DNAJC6: variants seen among roughly 807,000 people sequenced by gnomAD.
DNAJC6 encodes auxilin.
DNAJC6 carries 34 observed loss-of-function variants against 110.0 expected under a neutral mutation model. That is an observed-to-expected ratio of 0.31 (90% CI 0.24 to 0.41). The LOEUF is 0.41. Among genes scored for constraint, DNAJC6 ranks in the 10% least tolerant of loss-of-function variants. DNAJC6 has a pLI of 1.00. For synonymous variants in DNAJC6, 406 were observed against 437.2 expected (o/e 0.93, Z 0.89); for missense variants, 1,031 against 1,207.8 (o/e 0.85, Z 2.17).
rs868405754 is a variant in DNAJC6 at position 65,413,091 on chromosome 1, G to A, written c.*66G>A. The A allele has an allele frequency of 4.8e-6, 7 of 1,455,256 alleles. No homozygotes were observed. The Middle Eastern group carries it at 7.1e-4, about 148-fold the overall frequency. 90.1% of individuals were successfully genotyped at this position (1,455,256 alleles called of 1,614,324 possible). A position where few individuals can be genotyped will look rare whatever the true frequency, so the allele number is the denominator to read the frequency against. On this transcript the variant is annotated 3_prime_UTR_variant, in exon 19 of 19. Transcript: ENST00000371069. ...GCTTAGTGTGTGTCACAATTCTGAG[G>A]TTTTCGCAGATGAACCAAAAACTCC...
intron 11 of DNAJC6, among the ~76,000 whole-genome samples, chr1:65,389,957 G>A (rs1462529102): frequency 6.6e-6 from 1 of 152,182 alleles, no homozygotes; most frequent in Non-Finnish European, 1.5e-5. Context: ...AGGTTGCAGT[G>A]AGCTATGATT....
chr1:65,384,606 C>T (rs562714715), intron 6 of DNAJC6, among the ~76,000 whole-genome samples: 6 of 152,212 alleles, frequency 3.9e-5, no homozygotes, highest in East Asian at 1.9e-4. Flanking sequence ...GGGAAGAGAG[C>T]GTGTGCAGGG....
intron 1 of DNAJC6, among the ~76,000 whole-genome samples, chr1:65,315,812 T>C (rs1276199247): frequency 1.3e-5 from 2 of 152,180 alleles, no homozygotes; most frequent in East Asian, 1.9e-4. Context: ...TAAAATGCCA[T>C]AGAGAAATGC....
intron 1 of DNAJC6, among the ~76,000 whole-genome samples, chr1:65,348,298 G>T (rs1645456858): frequency 6.6e-6 from 1 of 152,184 alleles, no homozygotes; most frequent in African/African-American, 2.4e-5. Context: ...TCAGTTGTTG[G>T]TTGCAGTATT....
chr1:65,284,843 C>T (rs1653964366), intron 1 of DNAJC6, among the ~76,000 whole-genome samples: 1 of 152,048 alleles, frequency 6.6e-6, no homozygotes, highest in Non-Finnish European at 1.5e-5. Flanking sequence ...CACCCACCAC[C>T]ACGCCTGGCT....
intron 1 of DNAJC6, among the ~76,000 whole-genome samples, chr1:65,323,344 A>G (rs1350265835): frequency 6.6e-6 from 1 of 152,144 alleles, no homozygotes; most frequent in Non-Finnish European, 1.5e-5. Context: ...CATGATAGTG[A>G]GTGAGAACTG....
intron 4 of DNAJC6, among the ~76,000 whole-genome samples, chr1:65,377,066 T>A (rs1163412220): frequency 6.6e-6 from 1 of 152,204 alleles, no homozygotes; most frequent in African/African-American, 2.4e-5. Context: ...CCTGGCCAAT[T>A]TCTGTGTTTT....
intron 1 of DNAJC6, among the ~76,000 whole-genome samples, chr1:65,269,618 A>G (rs1764315): frequency 0.74 from 113,274 of 152,126 alleles, 42,973 homozygotes; most frequent in East Asian, 0.98. Flanking sequence ...AAATTCTTTC[A>G]AGGATTTTTG....
intron 1 of DNAJC6, among the ~76,000 whole-genome samples, chr1:65,302,229 T>TC (rs1644992244): frequency 1.5e-5 from 2 of 136,200 alleles, no homozygotes; most frequent in African/African-American, 2.7e-5. Flanking sequence ...TATAATATAC[T>TC]ATTATATTGA....
chr1:65,328,017 A>G (rs1645256303), intron 1 of DNAJC6, among the ~76,000 whole-genome samples: 2 of 152,354 alleles, frequency 1.3e-5, no homozygotes, highest in South Asian at 4.1e-4. Context: ...GCCCAGCTCA[A>G]TAAATTTTTA....
chr1:65,268,835 A>C (rs186626240), intron 1 of DNAJC6, among the ~76,000 whole-genome samples: 14 of 152,294 alleles, frequency 9.2e-5, no homozygotes, highest in African/African-American at 3.4e-4. Context: ...CTTCAAATTC[A>C]GCTCCAAATT....
intron 1 of DNAJC6, among the ~76,000 whole-genome samples, chr1:65,351,016 C>T (rs111967852): frequency 6.6e-6 from 1 of 152,166 alleles, no homozygotes; most frequent in Non-Finnish European, 1.5e-5. Context: ...CCCTCCAGCA[C>T]CCCTAATCCC....
At chr1:65,336,564 G>T (rs1019359094) in intron 1 of DNAJC6, among the ~76,000 whole-genome samples, 2 of 152,204 alleles carry the variant, frequency 1.3e-5, no homozygotes, top group African/African-American at 4.8e-5. Flanking sequence ...ATCCACTAAT[G>T]AGCAATTTCA....
chr1:65,356,345 G>A lies in DNAJC6; in HGVS notation c.194-8290G>A, dbSNP rs1045618148. Among the ~76,000 whole-genome samples the A allele has an allele frequency of 4.6e-5, 7 of 151,982 alleles. 1 individual carries two copies. The highest frequency in any genetic ancestry group is 1.7e-4 in the African/African-American group (7 of 41,368). On this transcript the variant is annotated intron_variant, in intron 1 of 18. Transcript: ENST00000371069. ...CCAGCACTTTGGGAGGCTAAGGCCG[G>A]CCAATCACCTGAGGTTAGGAGTTCG... is the stretch of plus-strand genomic sequence containing the variant.
intron 1 of DNAJC6, among the ~76,000 whole-genome samples, chr1:65,343,753 GA>G (rs928541717): frequency 1.2e-3 from 186 of 150,872 alleles, no homozygotes; most frequent in African/African-American, 4.2e-3. Context: ...AAAAAAAAAG[GA>G]AAAAAAAATA....
At chr1:65,284,880 G>C (rs1220486063) in intron 1 of DNAJC6, among the ~76,000 whole-genome samples, 1 of 151,858 alleles carries the variant, frequency 6.6e-6, no homozygotes, top group East Asian at 1.9e-4. Context: ...TAGAGATGGG[G>C]TTTCACCACG....
intron 1 of DNAJC6, among the ~76,000 whole-genome samples, chr1:65,327,795 C>G (rs1338181382): frequency 6.6e-6 from 1 of 152,002 alleles, no homozygotes; most frequent in Non-Finnish European, 1.5e-5. Flanking sequence ...ATAGTATTAC[C>G]AAATAGAATA....
intron 4 of DNAJC6, among the ~76,000 whole-genome samples, chr1:65,368,478 G>C (rs117281675): frequency 6.6e-6 from 1 of 151,482 alleles, no homozygotes; most frequent in African/African-American, 2.4e-5. Context: ...CACACCCTTC[G>C]TCTCCTTCCT....
intron 1 of DNAJC6, among the ~76,000 whole-genome samples, chr1:65,298,246 G>A (rs1030758446): frequency 6.6e-6 from 1 of 152,188 alleles, no homozygotes; most frequent in East Asian, 1.9e-4. Flanking sequence ...AGATCTGTTG[G>A]GCAGCAAGGC....
Sources: gnomAD v4.1 joint callset for allele counts (sites outside exome capture counted in the v4.1 genomes callset) on GRCh38, gnomAD v4.1.1 for gene constraint, MANE v1.5 for transcripts, NCBI Gene and HGNC (gene_info 2026-07-23, HGNC 2026-07-21) for gene names.